The following PLA1A variants were observed in gnomAD, a reference collection of about 807,000 sequenced individuals.
PLA1A encodes phosphatidylserine-specific phospholipase A1alpha.
A neutral mutation model predicts 49.4 loss-of-function variants in PLA1A; 47 were observed. The observed-to-expected ratio is 0.95, with a 90% CI of 0.75 to 1.21. The LOEUF (loss-of-function observed/expected upper bound fraction) is 1.21. PLA1A is among the 50% of genes most tolerant of loss of function. PLA1A has a pLI of 0.00. For synonymous variants in PLA1A, 224 were observed against 207.9 expected (o/e 1.08, Z -0.67); for missense variants, 561 against 563.9 (o/e 0.99, Z 0.05).
At chr3:119,601,693 C>T (rs1011565603) in intron 1 of PLA1A, among the ~76,000 whole-genome samples, 45 of 152,188 alleles carry the variant, frequency 3.0e-4, no homozygotes, top group African/African-American at 9.7e-4. Context: ...ATTGCATTGT[C>T]TTGTTTCAGT....
At chr3:119,615,803 G>A (rs1200639105) in intron 5 of PLA1A, among the ~76,000 whole-genome samples, 2 of 150,664 alleles carry the variant, frequency 1.3e-5, no homozygotes, top group Admixed American at 6.6e-5. Flanking sequence ...AAGAGCGAGA[G>A]AGCGAAAAAA....
At chr3:119,626,954 T>A (rs907151691) in intron 9 of PLA1A, among the ~76,000 whole-genome samples, 5 of 152,148 alleles carry the variant, frequency 3.3e-5, no homozygotes, top group Admixed American at 6.5e-5. Flanking sequence ...CATTGGTAGG[T>A]CCAGCAACAC....
chr3:119,612,499 T>A (rs1241341648), intron 4 of PLA1A, among the ~76,000 whole-genome samples: 1 of 152,048 alleles, frequency 6.6e-6, no homozygotes, highest in Non-Finnish European at 1.5e-5. Context: ...GGTCATCTTT[T>A]TTTTTTTGAG....
chr3:119,604,206 C>G (rs2082654271), intron 1 of PLA1A, among the ~76,000 whole-genome samples: 1 of 152,084 alleles, frequency 6.6e-6, no homozygotes, highest in Non-Finnish European at 1.5e-5. Context: ...CCTCAGAAAA[C>G]TAAAGATAGA....
At chr3:119,626,137 G>A in intron 9 of PLA1A, among the ~76,000 whole-genome samples, 1 of 152,170 alleles carries the variant, frequency 6.6e-6, no homozygotes, top group Admixed American at 6.5e-5. Flanking sequence ...AGGCTAGAGG[G>A]ACAAAGCAGG....
intron 6 of PLA1A, among the ~76,000 whole-genome samples, chr3:119,616,924 T>C (rs1292882612): frequency 6.6e-6 from 1 of 152,246 alleles, no homozygotes; most frequent in African/African-American, 2.4e-5. Context: ...GTTTAGTTTG[T>C]CTCTGCCCCA....
At chr3:119,617,317 G>T (rs1009066627) in intron 6 of PLA1A, among the ~76,000 whole-genome samples, 2 of 152,158 alleles carry the variant, frequency 1.3e-5, no homozygotes, top group African/African-American at 4.8e-5. Flanking sequence ...TAATGAGGTT[G>T]TAAAAAATTG....
At chr3:119,613,156 C>A in intron 5 of PLA1A, 38 bp downstream of exon 5, 1 of 1,383,534 alleles carries the variant, frequency 7.2e-7, no homozygotes, top group Non-Finnish European at 1.0e-6. Context: ...AGGGAATGAG[C>A]TCAAGGCAGC....
intron 1 of PLA1A, 93 bp downstream of exon 1, chr3:119,598,079 C>T: frequency 1.3e-6 from 1 of 741,662 alleles, no homozygotes; most frequent in Admixed American, 2.7e-5. Context: ...TGGAAGATCC[C>T]CTAAAAGCCT....
Position 119,616,762 on chromosome 3 carries a change from T to C in PLA1A, c.754+661T>C, listed in dbSNP as rs149479335. Among the ~76,000 whole-genome samples, 132 of 152,404 alleles carry C rather than the reference T, an allele frequency of 8.7e-4. 1 individual carries two copies. Among genetic ancestry groups the C allele is most frequent in the African/African-American group, 2.8e-3 (118 of 41,606 alleles). On this transcript the variant is annotated intron_variant, in intron 6 of 10. Transcript: ENST00000273371. ...TACTGATCTATTTTACCAAATTTAC[T>C]AGTTTTCCAAAAACATGCTTCTTTT... is the stretch of plus-strand genomic sequence containing the variant.
At position 119,629,514 on chromosome 3, in the gene PLA1A, T is replaced by A; in HGVS notation, c.*46T>A. 4 of 1,048,038 alleles carry A rather than the reference T, an allele frequency of 3.8e-6. No individual in the cohort carries two copies. Among genetic ancestry groups the A allele is most frequent in the Non-Finnish European group, 6.0e-6 (4 of 667,810 alleles). The allele number at this position is 1,048,038 out of a possible 1,614,324, so 64.9% of individuals were successfully genotyped here. A position where few individuals can be genotyped will look rare whatever the true frequency, so the allele number is the denominator to read the frequency against. ...TCTCCCTGCATTTTTTTTTTTTTTT[T>A]GAGAGAGAGGTGTGATGAGGGATGT... is the stretch of plus-strand genomic sequence containing the variant. On this transcript the variant is annotated 3_prime_UTR_variant, in exon 11 of 11. Coordinates refer to ENST00000273371, the MANE Select transcript of PLA1A (RefSeq NM_015900.4).
intron 9 of PLA1A, among the ~76,000 whole-genome samples, chr3:119,626,234 C>G (rs1251750053): frequency 6.6e-6 from 1 of 152,204 alleles, no homozygotes; most frequent in Non-Finnish European, 1.5e-5. Context: ...GGAACCCCTG[C>G]CCAAAGCAGC....
chr3:119,622,211 G>A (rs2698280), intron 8 of PLA1A, among the ~76,000 whole-genome samples: 3,028 of 37,898 alleles, frequency 0.08, 133 homozygotes, highest in African/African-American at 0.19. Context: ...GAAGAAGAAG[G>A]AGACAGAATC....
intron 3 of PLA1A, 149 bp downstream of exon 3, chr3:119,609,096 C>T: frequency 1.6e-6 from 1 of 644,674 alleles, no homozygotes; most frequent in Non-Finnish European, 2.7e-6. Flanking sequence ...CTTTGCCACT[C>T]ACAGCACTGA....
At chr3:119,623,338 G>C (rs1265465951) in intron 8 of PLA1A, among the ~76,000 whole-genome samples, 1 of 149,650 alleles carries the variant, frequency 6.7e-6, no homozygotes, top group Admixed American at 6.7e-5. Context: ...GTAGAGACTG[G>C]GTCTTGCCAT....
At chr3:119,616,155 C>A in intron 6 of PLA1A, 54 bp downstream of exon 6, 3 of 1,132,806 alleles carry the variant, frequency 2.6e-6, no homozygotes, top group Non-Finnish European at 4.0e-6. Context: ...TGAAATTCAC[C>A]AACAGCTTTT....
intron 1 of PLA1A, among the ~76,000 whole-genome samples, chr3:119,603,966 C>T (rs2082650791): frequency 6.6e-6 from 1 of 152,204 alleles, no homozygotes; most frequent in African/African-American, 2.4e-5. Context: ...CTAGAGCTTC[C>T]TCAGTCTAAT....
rs2052598089 is a variant in PLA1A at position 119,629,576 on chromosome 3, AG to A, written c.*109del. The A allele has an allele frequency of 1.0e-5, 7 of 670,408 alleles. No homozygotes were observed. The South Asian group carries it at 1.2e-4, about 12-fold the overall frequency. 41.5% of individuals were successfully genotyped at this position (670,408 alleles called of 1,614,324 possible). Reference sequence around the variant, plus strand: ...TTATTGTAGACCATTACTACTAAGGAGAAAAGCAAAGCTCTTTCTTATTTTC... The same window carrying A: ...TTATTGTAGACCATTACTACTAAGGAAAAAGCAAAGCTCTTTCTTATTTTC... On this transcript the variant is annotated 3_prime_UTR_variant, in exon 11 of 11. Transcript: ENST00000273371.
chr3:119,620,024 G>A (rs2082907421), intron 8 of PLA1A: 1 of 462,070 alleles, frequency 2.2e-6, no homozygotes, highest in Admixed American at 2.3e-5. Context: ...TCCAAGGTTG[G>A]GGTCCCTGGG....
Sources: gnomAD v4.1 joint callset for allele counts (sites outside exome capture counted in the v4.1 genomes callset) on GRCh38, gnomAD v4.1.1 for gene constraint, MANE v1.5 for transcripts, NCBI Gene and HGNC (gene_info 2026-07-23, HGNC 2026-07-21) for gene names.